HERC2: variants seen among roughly 807,000 people sequenced by gnomAD.
HERC2 encodes HECT and RLD domain containing E3 ubiquitin protein ligase 2, also known as E3 ubiquitin-protein ligase HERC2.
A neutral mutation model predicts 537.7 loss-of-function variants in HERC2; 102 were observed. The ratio of observed to expected loss-of-function variants is 0.19; its 90% CI spans 0.16 to 0.22. HERC2 has a LOEUF of 0.22. Among genes scored for constraint, HERC2 ranks in the 10% least tolerant of loss-of-function variants. The probability of loss-of-function intolerance (pLI) is 1.00; values close to 1 mark genes in which losing one functional copy is unlikely to be tolerated. For missense variants in HERC2, 4,236 were observed against 6,198.2 expected, an observed-to-expected ratio of 0.68 and a Z score of 10.63; for synonymous variants, 2,224 against 2,466.2, an observed-to-expected ratio of 0.90 and a Z score of 2.91.
At chr15:28,320,033 A>C (rs1485876777) in intron 2 of HERC2, 1 of 151,078 alleles carries the variant, frequency 6.6e-6, no homozygotes, top group African/African-American at 2.5e-5. Context: ...AAACCCAAAG[A>C]GTAACTACAC....
At chr15:28,125,486 C>T (rs1219702113) in intron 83 of HERC2, among the ~76,000 whole-genome samples, 3 of 152,162 alleles carry the variant, frequency 2.0e-5, no homozygotes, top group Admixed American at 2.0e-4. Context: ...TGGTCTTAAG[C>T]CTCCAACAGT....
chr15:28,274,481 A>T, intron 6 of HERC2, 34 bp from the exon 7 acceptor site: 1 of 1,560,990 alleles, frequency 6.4e-7, no homozygotes. Context: ...GAGCCCCCCC[A>T]CTCCCCTCAC....
intron 4 of HERC2, 88 bp from the exon 5 acceptor site, chr15:28,280,375 G>A: frequency 9.1e-7 from 1 of 1,093,458 alleles, no homozygotes; most frequent in Non-Finnish European, 1.3e-6. Context: ...ATGACGACAG[G>A]TAGTACTCGA....
intron 59 of HERC2, 70 bp downstream of exon 59, chr15:28,178,817 A>G: frequency 6.7e-7 from 1 of 1,484,266 alleles, no homozygotes. Context: ...GACACCAATT[A>G]GGGCTTTGGT....
rs1894497524 is a variant in HERC2, at chr15:28,169,665, G to C, written c.10058-10C>G. 1.3e-6 allele frequency: 2 copies of C among 1,593,474 alleles called. No individual in the cohort carries two copies. The highest frequency in any genetic ancestry group is 2.7e-5 in the African/African-American group (2 of 73,824). On this transcript the variant is annotated splice_polypyrimidine_tract_variant and intron_variant, in intron 65 of 92. Transcript: ENST00000261609. ...GCATCTGAAGGCACGCCTATAAGAG[G>C]AAAATAAAATTTGCATTGTTTTTAA...
At chr15:28,306,001 T>C (rs1451811261) in intron 2 of HERC2, among the ~76,000 whole-genome samples, 1 of 152,108 alleles carries the variant, frequency 6.6e-6, no homozygotes, top group Non-Finnish European at 1.5e-5. Context: ...CCAGTTAGAA[T>C]GGCAATCATT....
chr15:28,220,897 C>T (rs533098438), intron 36 of HERC2, among the ~76,000 whole-genome samples: 177 of 144,376 alleles, frequency 1.2e-3, no homozygotes, highest in Admixed American at 2.3e-3. Flanking sequence ...TAGGAGGGTG[C>T]ATGCCCTGCC....
chr15:28,162,138 G>A lies in HERC2; in HGVS notation c.10746+956C>T, dbSNP rs139691351. ...TGAGGTCAGCAGTTCCAGACCAGCC[G>A]GGCCAACATGGTGAAACCCCATCTC... is the stretch of plus-strand genomic sequence containing the variant. On this transcript the variant is annotated intron_variant, in intron 69 of 92. Coordinates refer to ENST00000261609, the MANE Select transcript of HERC2 (RefSeq NM_004667.6). 3.1e-3 allele frequency among the ~76,000 whole-genome samples: 479 copies of A among 152,136 alleles called. 4 individuals carry two copies. Among genetic ancestry groups the A allele is most frequent in the African/African-American group, 0.011 (460 of 41,506 alleles).
intron 12 of HERC2, among the ~76,000 whole-genome samples, chr15:28,267,181 C>T (rs182674530): frequency 1.3e-5 from 2 of 152,248 alleles, no homozygotes; most frequent in South Asian, 2.1e-4. Flanking sequence ...TACTAGTTTG[C>T]AAAATACACA....
rs1889968946 is a variant in HERC2, at chr15:28,130,266, T to C, written c.12699A>G (p.Ser4233=). Residue 4233 remains serine, a synonymous_variant, in exon 83 of 93, where the codon TCA becomes TCG. Coordinates refer to ENST00000261609, the MANE Select transcript of HERC2 (RefSeq NM_004667.6). The part of the protein sequence containing the change: ...KGDYHRLGHG[S]DDHVRRPRQV... Reference sequence around the variant, plus strand: ...GCCGAGGCCTTCGAACATGGTCATCTGATCCATGGCCCAACCTGTGATAAT... The same window carrying C: ...GCCGAGGCCTTCGAACATGGTCATCCGATCCATGGCCCAACCTGTGATAAT... 1.9e-6 allele frequency: 3 copies of C among 1,614,230 alleles called. No homozygotes were observed. The highest frequency in any genetic ancestry group is 1.6e-4 in the Middle Eastern group (1 of 6,062).
chr15:28,225,696 C>CAAAAAAAAAAAAAAA (rs35629645), intron 35 of HERC2, among the ~76,000 whole-genome samples: 5 of 58,804 alleles, frequency 8.5e-5, no homozygotes, highest in Admixed American at 1.8e-4. Context: ...GACTCCGTCT[C>CAAAAAAAAAAAAAAA]AAAAAAAAAA....
At chr15:28,211,882 T>C (rs1168421106) in intron 43 of HERC2, among the ~76,000 whole-genome samples, 1 of 152,128 alleles carries the variant, frequency 6.6e-6, no homozygotes, top group African/African-American at 2.4e-5. Flanking sequence ...TACGCCATAG[T>C]TACGGGTGAA....
chr15:28,238,487 A>G (rs1902693297), intron 24 of HERC2, 115 bp downstream of exon 24: 20 of 834,628 alleles, frequency 2.4e-5, no homozygotes, highest in Non-Finnish European at 3.4e-5. Flanking sequence ...CCACAGATAC[A>G]TTAAAATATG....
intron 85 of HERC2, among the ~76,000 whole-genome samples, chr15:28,121,766 TC>T (rs1268432632): frequency 6.6e-6 from 1 of 152,200 alleles, no homozygotes; most frequent in East Asian, 1.9e-4. Context: ...CTGCTCTGAC[TC>T]AGGTCTTGAA....
intron 14 of HERC2, among the ~76,000 whole-genome samples, chr15:28,264,199 A>G (rs1304825743): frequency 6.6e-6 from 1 of 152,196 alleles, no homozygotes; most frequent in African/African-American, 2.4e-5. Context: ...CAGATGGTAA[A>G]TATTTTTAGC....
At chr15:28,285,960 C>T (rs926480710) in intron 4 of HERC2, among the ~76,000 whole-genome samples, 2 of 151,942 alleles carry the variant, frequency 1.3e-5, no homozygotes, top group African/African-American at 4.8e-5. Flanking sequence ...ATACAAATTA[C>T]CACAACTCAC....
Position 28,227,413 on chromosome 15 carries a change from C to A in HERC2, c.5464+805G>T, listed in dbSNP as rs190607185. On this transcript the variant is annotated intron_variant, in intron 35 of 92. Transcript: ENST00000261609. Reference sequence around the variant, plus strand: ...TCATTAGTGAAATGCAAATCAAAATCACAATGAGACACCACTTCACACCCA... The same window carrying A: ...TCATTAGTGAAATGCAAATCAAAATAACAATGAGACACCACTTCACACCCA... Among the ~76,000 whole-genome samples the A allele has an allele frequency of 2.8e-3, 415 of 149,406 alleles. 4 individuals carry two copies. In the Middle Eastern group the frequency reaches 0.046, roughly 17 times the overall value.
At chr15:28,317,638 G>A (rs931224454) in intron 2 of HERC2, among the ~76,000 whole-genome samples, 22 of 152,210 alleles carry the variant, frequency 1.4e-4, no homozygotes, top group African/African-American at 5.3e-4. Context: ...GTGGTTGTCA[G>A]GAGTTAGAGA....
chr15:28,123,984 A>G, intron 85 of HERC2, 53 bp downstream of exon 85: 1 of 1,394,044 alleles, frequency 7.2e-7, no homozygotes, highest in Admixed American at 2.3e-5. Flanking sequence ...CTATTGGGTT[A>G]CATGTACTGA....
Sources: allele counts gnomAD v4.1 joint callset (sites outside exome capture counted in the v4.1 genomes callset), GRCh38; gene constraint gnomAD v4.1.1; transcripts MANE v1.5; gene names NCBI Gene and HGNC (gene_info 2026-07-23, HGNC 2026-07-21).